SCARA3: variants seen among roughly 807,000 people sequenced by gnomAD.
SCARA3 encodes the protein scavenger receptor class A member 3.
SCARA3 carries 39 observed loss-of-function variants against 47.0 expected under a neutral mutation model. That is an observed-to-expected ratio of 0.83 (90% CI 0.64 to 1.08). The LOEUF is 1.08. Among genes scored for constraint, SCARA3 ranks in the 50% least tolerant of loss-of-function variants. The pLI is 0.00. For synonymous variants in SCARA3, 356 were observed against 334.1 expected (o/e 1.07, Z -0.71); for missense variants, 724 against 792.3 (o/e 0.91, Z 1.04).
At chr8:27,635,580 C>T (rs1049883312) in intron 1 of SCARA3, among the ~76,000 whole-genome samples, 1 of 151,984 alleles carries the variant, frequency 6.6e-6, no homozygotes, top group African/African-American at 2.4e-5. Context: ...TCTCATGTAG[C>T]TGGTACTACT....
the SCARA3 span, among the ~76,000 whole-genome samples, chr8:27,713,465 T>G: frequency 6.6e-6 from 1 of 152,250 alleles, no homozygotes; most frequent in South Asian, 2.1e-4. Flanking sequence ...ACTTTGAAAT[T>G]GTGTAAATAC....
the SCARA3 span, among the ~76,000 whole-genome samples, chr8:27,732,119 C>T: frequency 6.6e-6 from 1 of 152,210 alleles, no homozygotes; most frequent in Non-Finnish European, 1.5e-5. Flanking sequence ...CAGCTAAGGC[C>T]TCATCCAGGC....
chr8:27,657,100 G>C (rs148287080), intron 4 of SCARA3, among the ~76,000 whole-genome samples: 118 of 152,270 alleles, frequency 7.7e-4, no homozygotes, highest in Admixed American at 1.0e-3. Flanking sequence ...GATTCTGGGT[G>C]GACCACAGAT....
chr8:27,701,030 CA>C, the SCARA3 span, among the ~76,000 whole-genome samples: 8 of 151,524 alleles, frequency 5.3e-5, no homozygotes, highest in Admixed American at 1.3e-4. Context: ...GGAAACAAGT[CA>C]AATGTTCATC....
At chr8:27,703,778 T>G in the SCARA3 span, 1 of 151,636 alleles carries the variant, frequency 6.6e-6, no homozygotes, top group South Asian at 2.1e-4. Flanking sequence ...ACAATGTGAT[T>G]GTGGGTAACT....
At chr8:27,647,760 T>C (rs1000877530) in intron 1 of SCARA3, among the ~76,000 whole-genome samples, 11 of 152,300 alleles carry the variant, frequency 7.2e-5, no homozygotes, top group Non-Finnish European at 1.2e-4. Flanking sequence ...GTTTAAGCCA[T>C]GCGTGAAGGC....
chr8:27,729,658 G>A, the SCARA3 span, among the ~76,000 whole-genome samples: 2 of 152,106 alleles, frequency 1.3e-5, no homozygotes, highest in African/African-American at 4.8e-5. Context: ...AGACGTGTTG[G>A]TGGGCGCCTG....
At chr8:27,651,311 G>A (rs1008464686) in intron 2 of SCARA3, among the ~76,000 whole-genome samples, 197 bp from the exon 3 acceptor site, 6 of 152,312 alleles carry the variant, frequency 3.9e-5, no homozygotes, top group African/African-American at 9.6e-5. Flanking sequence ...GTCCTGACTC[G>A]GTCTCCTGCA....
the SCARA3 span, among the ~76,000 whole-genome samples, chr8:27,724,393 G>A: frequency 6.6e-6 from 1 of 152,216 alleles, no homozygotes; most frequent in African/African-American, 2.4e-5. Context: ...GCCGGGCACA[G>A]TGGCTCAAGC....
At chr8:27,674,865 A>T (rs1186546787), downstream of SCARA3, among the ~76,000 whole-genome samples, 1 of 151,196 alleles carries the variant, frequency 6.6e-6, no homozygotes, top group African/African-American at 2.4e-5. Flanking sequence ...AGTAGCTGGG[A>T]CTACAGGCGT....
chr8:27,652,891 G>T (rs929501439), intron 3 of SCARA3, among the ~76,000 whole-genome samples: 3 of 152,162 alleles, frequency 2.0e-5, no homozygotes, highest in African/African-American at 7.2e-5. Context: ...TAGGACCCAG[G>T]CCTTAGTCAT....
intron 1 of SCARA3, among the ~76,000 whole-genome samples, chr8:27,646,804 T>C (rs1396463049): frequency 1.3e-5 from 2 of 152,304 alleles, no homozygotes; most frequent in East Asian, 3.9e-4. Context: ...TCCTGGTGAC[T>C]GCCCAGGCCA....
the SCARA3 span, among the ~76,000 whole-genome samples, chr8:27,688,455 G>A: frequency 2.0e-5 from 3 of 151,844 alleles, no homozygotes; most frequent in Admixed American, 2.0e-4. Flanking sequence ...CAGTACTTTG[G>A]GAGGCTGAGG....
At chr8:27,634,619 G>A (rs1021307347) in intron 1 of SCARA3, among the ~76,000 whole-genome samples, 1 of 152,110 alleles carries the variant, frequency 6.6e-6, no homozygotes, top group Non-Finnish European at 1.5e-5. Context: ...TCAACCGGGG[G>A]CCAGGCCTAG....
At chr8:27,727,641 C>T in the SCARA3 span, among the ~76,000 whole-genome samples, 1 of 152,218 alleles carries the variant, frequency 6.6e-6, no homozygotes, top group Non-Finnish European at 1.5e-5. Context: ...CTGATAGCTC[C>T]TGGACAATGG....
chr8:27,634,152 C>T lies in SCARA3; in HGVS notation c.-49C>T. 1 of 1,451,720 alleles carries T rather than the reference C, an allele frequency of 6.9e-7. No homozygotes were observed. Among genetic ancestry groups the T allele is most frequent in the Non-Finnish European group, 9.0e-7 (1 of 1,107,270 alleles). The allele number at this position is 1,451,720 out of a possible 1,614,324, so 89.9% of individuals were successfully genotyped here. The stretch of plus-strand genomic sequence containing the variant: ...CGCCGGCCGCCCGGCTCCACTACAG[C>T]TCCAGCCGCCTGCAGCGGGGCCCTC... On this transcript the variant is annotated 5_prime_UTR_variant, in exon 1 of 6. Coordinates refer to ENST00000301904, the MANE Select transcript of SCARA3 (RefSeq NM_016240.3).
At chr8:27,662,473 A>G (rs1325524304) in intron 5 of SCARA3, among the ~76,000 whole-genome samples, 1 of 152,220 alleles carries the variant, frequency 6.6e-6, no homozygotes, top group African/African-American at 2.4e-5. Flanking sequence ...TGAGTTCCTC[A>G]GTCAGGAGCA....
At chr8:27,708,254 C>T in the SCARA3 span, among the ~76,000 whole-genome samples, 1 of 152,000 alleles carries the variant, frequency 6.6e-6, no homozygotes, top group Admixed American at 6.6e-5. Flanking sequence ...ACAATGGATC[C>T]TTTGAAAAGA....
intron 3 of SCARA3, among the ~76,000 whole-genome samples, chr8:27,653,215 A>C (rs1801670045): frequency 6.6e-6 from 1 of 152,212 alleles, no homozygotes; most frequent in Non-Finnish European, 1.5e-5. Context: ...AGAAGAGCGC[A>C]GGCACCGAAG....
Sources: allele counts gnomAD v4.1 joint callset (sites outside exome capture counted in the v4.1 genomes callset), GRCh38; gene constraint gnomAD v4.1.1; transcripts MANE v1.5; gene names NCBI Gene and HGNC (gene_info 2026-07-23, HGNC 2026-07-21).